TNFSF4: variants seen among roughly 807,000 people sequenced by gnomAD.
The protein encoded by TNFSF4 is tumor necrosis factor ligand superfamily member 4.
Under a neutral mutation model 7.3 loss-of-function variants are expected in TNFSF4, and 4 were observed. That is an observed-to-expected ratio of 0.55 (90% CI 0.27 to 1.25). The LOEUF is 1.25. Among genes scored for constraint, TNFSF4 ranks in the 50% most tolerant of loss-of-function variants. The pLI, the probability that TNFSF4 is intolerant of heterozygous loss-of-function variation, is 0.12. For synonymous variants in TNFSF4, 76 were observed against 83.7 expected (o/e 0.91, Z 0.50); for missense variants, 181 against 208.8 (o/e 0.87, Z 0.82).
the TNFSF4 span, among the ~76,000 whole-genome samples, chr1:173,289,029 C>A: frequency 1.4e-4 from 21 of 152,060 alleles, no homozygotes; most frequent in African/African-American, 5.1e-4. Flanking sequence ...AGAAAGAGAA[C>A]CCAAGCAGAG....
At chr1:173,437,328 G>T in the TNFSF4 span, among the ~76,000 whole-genome samples, 4 of 152,052 alleles carry the variant, frequency 2.6e-5, no homozygotes, top group African/African-American at 9.7e-5. Flanking sequence ...AAGGTCTCTC[G>T]GCTTTTTCTT....
At chr1:173,300,099 GTAGATAGATAGA>G in the TNFSF4 span, among the ~76,000 whole-genome samples, 111,510 of 147,704 alleles carry the variant, frequency 0.75, 42,484 homozygotes, top group East Asian at 0.88. Context: ...AAAATAGATG[GTAGATAGATAGA>G]TAGATAGATA....
the TNFSF4 span, among the ~76,000 whole-genome samples, chr1:173,284,618 T>C: frequency 6.6e-6 from 1 of 152,306 alleles, no homozygotes; most frequent in East Asian, 1.9e-4. Flanking sequence ...TAAGGGCTAA[T>C]GTAGCTGATG....
the TNFSF4 span, among the ~76,000 whole-genome samples, chr1:173,397,984 T>C: frequency 6.6e-6 from 1 of 152,236 alleles, no homozygotes; most frequent in Admixed American, 6.5e-5. Flanking sequence ...ATAACAGATA[T>C]GTTTCATTGC....
chr1:173,271,773 T>C, the TNFSF4 span, among the ~76,000 whole-genome samples: 1 of 152,114 alleles, frequency 6.6e-6, no homozygotes, highest in Non-Finnish European at 1.5e-5. Context: ...GTTCAACCAT[T>C]GTGGAAGACA....
the TNFSF4 span, among the ~76,000 whole-genome samples, chr1:173,394,718 CT>C: frequency 6.6e-6 from 1 of 152,072 alleles, no homozygotes; most frequent in Non-Finnish European, 1.5e-5. Flanking sequence ...ATTATTTCCC[CT>C]GCTTCTGAGG....
the TNFSF4 span, among the ~76,000 whole-genome samples, chr1:173,240,933 T>A: frequency 6.6e-6 from 1 of 152,232 alleles, no homozygotes; most frequent in Admixed American, 6.5e-5. Context: ...AGATTTAGCA[T>A]CTCTTTAGTA....
chr1:173,366,091 AG>A, the TNFSF4 span, among the ~76,000 whole-genome samples: 1 of 152,348 alleles, frequency 6.6e-6, no homozygotes, highest in South Asian at 2.1e-4. Context: ...AACTAAAAAT[AG>A]AGGTACCATG....
chr1:173,311,659 G>A, the TNFSF4 span, among the ~76,000 whole-genome samples: 1 of 152,018 alleles, frequency 6.6e-6, no homozygotes, highest in Non-Finnish European at 1.5e-5. Context: ...GTAGGGTAAG[G>A]TGTCCATGAG....
At chr1:173,352,060 A>G in the TNFSF4 span, 2 of 329,834 alleles carry the variant, frequency 6.1e-6, no homozygotes, top group African/African-American at 2.2e-5. Flanking sequence ...AAGAAAAAAT[A>G]TATATACTCA....
the TNFSF4 span, among the ~76,000 whole-genome samples, chr1:173,376,449 G>A: frequency 6.6e-6 from 1 of 152,152 alleles, no homozygotes; most frequent in Non-Finnish European, 1.5e-5. Flanking sequence ...GGGGGTGGGG[G>A]TCTAGGGGAT....
At chr1:173,410,344 C>A in the TNFSF4 span, among the ~76,000 whole-genome samples, 1 of 152,166 alleles carries the variant, frequency 6.6e-6, no homozygotes, top group Non-Finnish European at 1.5e-5. Flanking sequence ...CAGTGAATCA[C>A]CAGACTAACC....
At chr1:173,271,746 GGTGGGA>G in the TNFSF4 span, among the ~76,000 whole-genome samples, 1 of 152,130 alleles carries the variant, frequency 6.6e-6, no homozygotes, top group Non-Finnish European at 1.5e-5. Flanking sequence ...TTACACTGTT[GGTGGGA>G]GTGTAAACTA....
chr1:173,252,899 G>A, the TNFSF4 span, among the ~76,000 whole-genome samples: 1 of 152,188 alleles, frequency 6.6e-6, no homozygotes, highest in Non-Finnish European at 1.5e-5. Flanking sequence ...ATGATTACAA[G>A]CTTCCTTCTA....
the TNFSF4 span, among the ~76,000 whole-genome samples, chr1:173,228,696 A>G: frequency 6.6e-6 from 1 of 152,208 alleles, no homozygotes; most frequent in South Asian, 2.1e-4. Context: ...AGATTAGATG[A>G]ATGGCAAACT....
chr1:173,362,204 G>A, the TNFSF4 span, among the ~76,000 whole-genome samples: 1 of 152,230 alleles, frequency 6.6e-6, no homozygotes, highest in Admixed American at 6.5e-5. Context: ...AGAAAGCCTT[G>A]GTTAACAGGC....
At chr1:173,225,708 G>A in the TNFSF4 span, among the ~76,000 whole-genome samples, 30 of 152,260 alleles carry the variant, frequency 2.0e-4, no homozygotes, top group African/African-American at 7.0e-4. Context: ...TGGATGCTAT[G>A]TAAAGCCCCA....
At chr1:173,174,716 C>T in the TNFSF4 span, 14 of 152,182 alleles carry the variant, frequency 9.2e-5, no homozygotes, top group Non-Finnish European at 8.8e-5. Context: ...CGAGATCCCA[C>T]CCCAGACTAC....
At chr1:173,365,889 T>C in the TNFSF4 span, among the ~76,000 whole-genome samples, 59 of 152,288 alleles carry the variant, frequency 3.9e-4, no homozygotes, top group South Asian at 0.012. Context: ...TCATAGCATA[T>C]TGGTATGCAT....
Sources: allele counts gnomAD v4.1 joint callset (sites outside exome capture counted in the v4.1 genomes callset), GRCh38; gene constraint gnomAD v4.1.1; transcripts MANE v1.5; gene names NCBI Gene and HGNC (gene_info 2026-07-23, HGNC 2026-07-21).